DLG2: variants seen among roughly 807,000 people sequenced by gnomAD.
DLG2 encodes disks large homolog 2.
Under a neutral mutation model 132.5 loss-of-function variants are expected in DLG2, and 45 were observed. The ratio of observed to expected loss-of-function variants is 0.34; its 90% CI spans 0.27 to 0.44. DLG2 has a LOEUF of 0.44. DLG2 is among the 20% of genes least tolerant of loss of function. The pLI is 1.00. For synonymous variants in DLG2, 424 were observed against 419.6 expected (o/e 1.01, Z -0.13); for missense variants, 1,045 against 1,196.9 (o/e 0.87, Z 1.87).
intron 19 of DLG2, among the ~76,000 whole-genome samples, chr11:83,619,124 G>C (rs986744040): frequency 2.0e-5 from 3 of 151,288 alleles, no homozygotes; most frequent in Non-Finnish European, 4.5e-5. Context: ...CCTCTGTGTA[G>C]CATCCTGTAG....
chr11:85,258,046 A>C (rs1324362922), intron 4 of DLG2, among the ~76,000 whole-genome samples: 1 of 152,202 alleles, frequency 6.6e-6, no homozygotes, highest in East Asian at 1.9e-4. Context: ...GTTGTCTTAC[A>C]GACCATTTAA....
At chr11:85,133,450 T>C (rs2075894210) in intron 5 of DLG2, among the ~76,000 whole-genome samples, 1 of 152,142 alleles carries the variant, frequency 6.6e-6, no homozygotes, top group African/African-American at 2.4e-5. Context: ...ACATCTCAAC[T>C]CACTTGCAAT....
At chr11:84,112,462 A>G (rs923377012) in intron 9 of DLG2, among the ~76,000 whole-genome samples, 5 of 151,416 alleles carry the variant, frequency 3.3e-5, no homozygotes, top group Non-Finnish European at 7.4e-5. Context: ...AAAAACTTCT[A>G]AATGTTGAAT....
chr11:84,591,852 ATT>A (rs1409726161), intron 6 of DLG2, among the ~76,000 whole-genome samples: 2 of 152,040 alleles, frequency 1.3e-5, no homozygotes, highest in East Asian at 3.9e-4. Context: ...GGATTTTATT[ATT>A]TTTAAAATTT....
chr11:83,759,672 A>G (rs2093815190), intron 18 of DLG2, among the ~76,000 whole-genome samples: 1 of 152,176 alleles, frequency 6.6e-6, no homozygotes, highest in Admixed American at 6.5e-5. Context: ...CTGTTGACAC[A>G]AAATCACAGA....
At position 85,544,072 on chromosome 11, in the gene DLG2, AT is replaced by A. The variant is rs1424729988; in HGVS notation, c.40+54584del. Among the ~76,000 whole-genome samples, 6 of 152,226 alleles carry A rather than the reference AT, an allele frequency of 3.9e-5. No homozygotes were observed. In the East Asian group the frequency reaches 1.2e-3, roughly 29 times the overall value. ...GTCTTGGAAGTCTTTGCCCATGCCT[AT>A]GTCCTGAATGGTATTGCCAAGGTTT... On this transcript the variant is annotated intron_variant, in intron 3 of 27. Coordinates refer to ENST00000376104, the MANE Select transcript of DLG2 (RefSeq NM_001142699.3).
intron 6 of DLG2, among the ~76,000 whole-genome samples, chr11:84,868,003 GGCGGA>G (rs2084863509): frequency 6.6e-6 from 1 of 151,702 alleles, no homozygotes; most frequent in Non-Finnish European, 1.5e-5. Flanking sequence ...GAACCCGGGC[GGCGGA>G]GCTTGCAGTG....
At chr11:84,621,221 T>C (rs559162363) in intron 6 of DLG2, among the ~76,000 whole-genome samples, 1 of 152,252 alleles carries the variant, frequency 6.6e-6, no homozygotes, top group East Asian at 1.9e-4. Flanking sequence ...CTCATATATT[T>C]TAGTTATTAA....
chr11:83,654,318 C>A (rs1280273196), intron 18 of DLG2, among the ~76,000 whole-genome samples: 2 of 152,092 alleles, frequency 1.3e-5, no homozygotes, highest in Admixed American at 1.3e-4. Context: ...TTTGATCTGC[C>A]CTCTGCTTTC....
chr11:85,424,370 T>C lies in DLG2; in HGVS notation c.41-139005A>G, dbSNP rs192387182. On this transcript the variant is annotated intron_variant, in intron 3 of 27. Transcript: ENST00000376104. ...ATCACTCTGGAGCAAAAATTCATGA[T>C]GCAAGGCTTCATATGCTGCTCTGTC... Among the ~76,000 whole-genome samples, 11 of 152,270 alleles carry C rather than the reference T, an allele frequency of 7.2e-5. No homozygotes were observed. The East Asian group carries it at 2.1e-3, about 29-fold the overall frequency.
At chr11:84,548,321 T>G (rs1412230654) in intron 6 of DLG2, among the ~76,000 whole-genome samples, 1 of 152,166 alleles carries the variant, frequency 6.6e-6, no homozygotes, top group Non-Finnish European at 1.5e-5. Flanking sequence ...AGGGTACATG[T>G]GCACAACGTG....
In DLG2 at chr11:84,580,075, T is replaced by C. The variant is rs140106107; in HGVS notation, c.358-45344A>G. On this transcript the variant is annotated intron_variant, in intron 6 of 27. Coordinates refer to ENST00000376104, the MANE Select transcript of DLG2 (RefSeq NM_001142699.3). Reference sequence around the variant, plus strand: ...GTAGAATATGTCTTGTTGGCAGACTTCTAGAAATCAGGGGGAGGAACTGGG... The same window carrying C: ...GTAGAATATGTCTTGTTGGCAGACTCCTAGAAATCAGGGGGAGGAACTGGG... Among the ~76,000 whole-genome samples the C allele has an allele frequency of 2.9e-3, 448 of 152,278 alleles. 1 individual carries two copies. Among genetic ancestry groups the C allele is most frequent in the African/African-American group, 9.9e-3 (411 of 41,564 alleles).
chr11:84,198,836 T>C (rs1392532533), intron 8 of DLG2, among the ~76,000 whole-genome samples: 1 of 151,666 alleles, frequency 6.6e-6, no homozygotes, highest in African/African-American at 2.4e-5. Flanking sequence ...ATCTAGAGAG[T>C]ATAAAAGACA....
Position 85,484,041 on chromosome 11 carries a change from A to T in DLG2, c.40+114616T>A, listed in dbSNP as rs11827119. Among the ~76,000 whole-genome samples the T allele has an allele frequency of 9.8e-3, 1,486 of 152,314 alleles. 20 individuals carry two copies. The highest frequency in any genetic ancestry group is 0.032 in the African/African-American group (1,328 of 41,570). On this transcript the variant is annotated intron_variant, in intron 3 of 27. Transcript: ENST00000376104. ...GGTGGTAAACTCCATTTAAGGCTAAATACCGGCACGAGACCGATAGTCAAC... is the reference window on the plus strand; with the variant it reads ...GGTGGTAAACTCCATTTAAGGCTAATTACCGGCACGAGACCGATAGTCAAC...
chr11:85,486,518 T>C (rs183617647), intron 3 of DLG2, among the ~76,000 whole-genome samples: 3 of 152,218 alleles, frequency 2.0e-5, no homozygotes, highest in Non-Finnish European at 2.9e-5. Flanking sequence ...TCCAGAAGCC[T>C]GGAAATTTTT....
At chr11:84,912,141 CAATTTATT>C (rs1159428445) in intron 6 of DLG2, among the ~76,000 whole-genome samples, 1 of 138,042 alleles carries the variant, frequency 7.2e-6, no homozygotes, top group Non-Finnish European at 1.6e-5. Context: ...TTGGCTTTCA[CAATTTATT>C]TATTTATTTA....
At chr11:83,529,081 C>T (rs886174343) in intron 21 of DLG2, among the ~76,000 whole-genome samples, 1 of 152,134 alleles carries the variant, frequency 6.6e-6, no homozygotes, top group Non-Finnish European at 1.5e-5. Context: ...GTAACCTTGG[C>T]TTTCACTCTG....
chr11:85,484,912 T>G (rs1289010082), intron 3 of DLG2, among the ~76,000 whole-genome samples: 2 of 152,020 alleles, frequency 1.3e-5, no homozygotes, highest in African/African-American at 2.4e-5. Flanking sequence ...CATATGTTTA[T>G]TGTGGCACTA....
At chr11:85,133,606 G>A (rs1483611230) in intron 5 of DLG2, among the ~76,000 whole-genome samples, 1 of 152,160 alleles carries the variant, frequency 6.6e-6, no homozygotes, top group East Asian at 1.9e-4. Flanking sequence ...TGTGGTCCAT[G>A]ACATATGCAA....
Sources: allele counts gnomAD v4.1 joint callset (sites outside exome capture counted in the v4.1 genomes callset), GRCh38; gene constraint gnomAD v4.1.1; transcripts MANE v1.5; gene names NCBI Gene and HGNC (gene_info 2026-07-23, HGNC 2026-07-21).